The following THADA variants were observed in gnomAD, a reference collection of about 807,000 sequenced individuals.
THADA encodes tRNA (32-2'-O)-methyltransferase regulator THADA.
In THADA, 213 loss-of-function variants were observed where a neutral mutation model predicts 219.8. The ratio of observed to expected loss-of-function variants is 0.97; its 90% CI spans 0.87 to 1.09. The LOEUF (loss-of-function observed/expected upper bound fraction) is 1.09, where lower values mean the gene tolerates loss of function less well. Among genes scored for constraint, THADA ranks in the 50% least tolerant of loss-of-function variants. THADA has a pLI of 0.00. For missense variants in THADA, 2,956 were observed against 2,311.3 expected (o/e 1.28, Z -5.72); for synonymous variants, 1,018 against 828.9 (o/e 1.23, Z -3.92).
chr2:43,594,216 C>A (rs1464835536), intron 1 of THADA, among the ~76,000 whole-genome samples: 2 of 152,172 alleles, frequency 1.3e-5, no homozygotes, highest in Non-Finnish European at 2.9e-5. Flanking sequence ...AAAAAAAACT[C>A]TCATCAAATT....
chr2:43,338,154 CT>C (rs35928615), intron 30 of THADA, among the ~76,000 whole-genome samples: 7,588 of 126,286 alleles, frequency 0.06, 134 homozygotes, highest in Non-Finnish European at 0.087. Flanking sequence ...ATCACCAGAA[CT>C]TTTTTTTTTT....
chr2:43,313,313 T>C (rs1397945850), intron 31 of THADA, among the ~76,000 whole-genome samples: 1 of 152,262 alleles, frequency 6.6e-6, no homozygotes, highest in Non-Finnish European at 1.5e-5. Context: ...TGACTTGGCA[T>C]TTAGACTATT....
rs1047623828 is a variant in THADA at position 43,468,745 on chromosome 2, T to C, written c.3836+16489A>G. 3.9e-5 allele frequency among the ~76,000 whole-genome samples: 6 copies of C among 152,240 alleles called. No individual in the cohort carries two copies. In the South Asian group the frequency reaches 6.2e-4, roughly 16 times the overall value. Reference sequence around the variant, plus strand: ...AAACAATACCACCGCAAGAAAGAGATGGCATACAGAATCTGGGGCACATCA... The same window carrying C: ...AAACAATACCACCGCAAGAAAGAGACGGCATACAGAATCTGGGGCACATCA... On this transcript the variant is annotated intron_variant, in intron 26 of 37. Transcript: ENST00000405975.
chr2:43,593,935 A>G (rs113555516), intron 1 of THADA, among the ~76,000 whole-genome samples: 2 of 152,282 alleles, frequency 1.3e-5, no homozygotes, highest in African/African-American at 4.8e-5. Flanking sequence ...GCCCAGCCTT[A>G]GACTTCTTGT....
At chr2:43,391,624 T>A (rs1673395742) in intron 29 of THADA, among the ~76,000 whole-genome samples, 1 of 152,064 alleles carries the variant, frequency 6.6e-6, no homozygotes, top group Non-Finnish European at 1.5e-5. Flanking sequence ...AAGAGCCCAA[T>A]GCTTCCCAAT....
intron 26 of THADA, among the ~76,000 whole-genome samples, chr2:43,479,136 T>A (rs183067525): frequency 6.6e-6 from 1 of 152,338 alleles, no homozygotes; most frequent in East Asian, 1.9e-4. Flanking sequence ...ATATTTATAA[T>A]CTTATGATAA....
chr2:43,378,834 G>T lies in THADA; in HGVS notation c.4227+19137C>A, dbSNP rs529753091. Among the ~76,000 whole-genome samples the T allele has an allele frequency of 1.7e-4, 26 of 152,272 alleles. 1 individual carries two copies. In the South Asian group the frequency reaches 5.4e-3, roughly 32 times the overall value. On this transcript the variant is annotated intron_variant, in intron 29 of 37. Coordinates refer to ENST00000405975, the MANE Select transcript of THADA (RefSeq NM_022065.5). The stretch of plus-strand genomic sequence containing the variant: ...TTGGCCAGGCTGGTCTCAAACTCCT[G>T]ACCTCAGGTGATCCACCTGCCCTGG...
chr2:43,441,006 A>C (rs558665010), intron 26 of THADA, among the ~76,000 whole-genome samples: 1 of 152,350 alleles, frequency 6.6e-6, no homozygotes, highest in South Asian at 2.1e-4. Flanking sequence ...CTTACTGAAA[A>C]TTAAACTTCA....
At position 43,440,267 on chromosome 2, in the gene THADA, C is replaced by G. The variant is rs556813172; in HGVS notation, c.3837-9965G>C. Among the ~76,000 whole-genome samples the G allele has an allele frequency of 4.1e-4, 62 of 152,142 alleles. 2 individuals are homozygous for G. The South Asian group carries it at 7.5e-3, about 18-fold the overall frequency. ...GCAAAATTATTCCATGTCAGGCACA[C>G]TGATCTATTTTCTTCCATTTAATGG... On this transcript the variant is annotated intron_variant, in intron 26 of 37. Coordinates refer to ENST00000405975, the MANE Select transcript of THADA (RefSeq NM_022065.5).
intron 36 of THADA, among the ~76,000 whole-genome samples, chr2:43,239,976 TAA>T (rs1668448618): frequency 6.6e-6 from 1 of 151,748 alleles, no homozygotes; most frequent in Non-Finnish European, 1.5e-5. Flanking sequence ...AAAACCACTC[TAA>T]GAGAGAGAAG....
intron 26 of THADA, among the ~76,000 whole-genome samples, chr2:43,453,816 TAA>T (rs1340170078): frequency 2.6e-5 from 4 of 152,220 alleles, no homozygotes; most frequent in African/African-American, 9.6e-5. Context: ...CAAAATCGTT[TAA>T]AGACTGAAGC....
intron 29 of THADA, among the ~76,000 whole-genome samples, chr2:43,360,933 G>T (rs1312347888): frequency 6.6e-6 from 1 of 152,100 alleles, no homozygotes; most frequent in East Asian, 1.9e-4. Context: ...AGTTCTAAAC[G>T]TGGAATGAGT....
At chr2:43,289,640 T>C (rs527869645) in intron 34 of THADA, among the ~76,000 whole-genome samples, 7 of 152,296 alleles carry the variant, frequency 4.6e-5, no homozygotes, top group Admixed American at 4.6e-4. Context: ...ACTTGGTGTT[T>C]TTTTGTTTGT....
At chr2:43,446,210 T>A (rs972485286) in intron 26 of THADA, among the ~76,000 whole-genome samples, 1 of 152,234 alleles carries the variant, frequency 6.6e-6, no homozygotes, top group Non-Finnish European at 1.5e-5. Flanking sequence ...AATTCAATAA[T>A]CATTTACTAA....
At chr2:43,419,630 T>C (rs1221848047) in intron 28 of THADA, among the ~76,000 whole-genome samples, 1 of 152,206 alleles carries the variant, frequency 6.6e-6, no homozygotes, top group Non-Finnish European at 1.5e-5. Flanking sequence ...TGTTCTCTAC[T>C]GTGTAGGATG....
At position 43,286,897 on chromosome 2, in the gene THADA, G is replaced by A. The variant is rs11900952; in HGVS notation, c.5164+11C>T. The A allele has an allele frequency of 0.38, 610,793 of 1,604,398 alleles. 123,685 individuals carry two copies. The highest frequency in any genetic ancestry group is 0.74 in the African/African-American group (55,088 of 74,758). ...GTTTGGTACAACAGACTTCCGTCTCGGCGCACTTACCAAGAATAGGATGGG... is the reference window on the plus strand; with the variant it reads ...GTTTGGTACAACAGACTTCCGTCTCAGCGCACTTACCAAGAATAGGATGGG... On this transcript the variant is annotated intron_variant, in intron 35 of 37. Transcript: ENST00000405975.
At chr2:43,263,596 A>G (rs956345483) in intron 36 of THADA, among the ~76,000 whole-genome samples, 4 of 152,200 alleles carry the variant, frequency 2.6e-5, no homozygotes. Context: ...CAGGTCCTCA[A>G]GTGACAGTCT....
At chr2:43,321,683 C>T (rs1678734959) in intron 30 of THADA, among the ~76,000 whole-genome samples, 1 of 152,228 alleles carries the variant, frequency 6.6e-6, no homozygotes, top group South Asian at 2.1e-4. Context: ...AAATACAATA[C>T]ATACATTCTG....
intron 4 of THADA, 87 bp downstream of exon 4, chr2:43,590,737 G>C (rs573282214): frequency 4.1e-6 from 6 of 1,448,174 alleles, no homozygotes; most frequent in South Asian, 3.9e-5. Context: ...TATCAGTTCA[G>C]TTTTATCAAA....
Sources: gnomAD v4.1 joint callset for allele counts (sites outside exome capture counted in the v4.1 genomes callset) on GRCh38, gnomAD v4.1.1 for gene constraint, MANE v1.5 for transcripts, NCBI Gene and HGNC (gene_info 2026-07-23, HGNC 2026-07-21) for gene names.